The following BTD variants were observed in gnomAD, a reference collection of about 807,000 sequenced individuals.
BTD encodes the protein biocytinase.
BTD carries 13 observed loss-of-function variants against 17.7 expected under a neutral mutation model. That is an observed-to-expected ratio of 0.74 (90% CI 0.48 to 1.17). BTD has a LOEUF of 1.17. Among genes scored for constraint, BTD ranks in the 50% most tolerant of loss-of-function variants. BTD has a pLI of 0.00. For synonymous variants in BTD, 240 were observed against 245.2 expected, an observed-to-expected ratio of 0.98 and a Z score of 0.20; for missense variants, 674 against 650.4, an observed-to-expected ratio of 1.04 and a Z score of -0.39.
chr3:15,670,723 G>T (rs1162289191), intron 3 of BTD, among the ~76,000 whole-genome samples: 2 of 152,160 alleles, frequency 1.3e-5, no homozygotes, highest in Admixed American at 6.5e-5. Context: ...AGTAGAAAAA[G>T]AATAGCCATA....
intron 1 of BTD, among the ~76,000 whole-genome samples, chr3:15,608,874 C>T (rs910871693): frequency 2.0e-5 from 3 of 152,034 alleles, no homozygotes; most frequent in African/African-American, 7.2e-5. Context: ...TAATATGGTA[C>T]TAGTGTTGAA....
intron 1 of BTD, among the ~76,000 whole-genome samples, chr3:15,602,515 A>G (rs937983798): frequency 6.6e-6 from 1 of 152,210 alleles, no homozygotes; most frequent in African/African-American, 2.4e-5. Context: ...ACTGCCTTGG[A>G]GTCATTAGAC....
At chr3:15,630,569 A>G (rs1295315519) in intron 1 of BTD, among the ~76,000 whole-genome samples, 5 of 152,264 alleles carry the variant, frequency 3.3e-5, no homozygotes, top group Non-Finnish European at 7.3e-5. Context: ...TTGATTGCAC[A>G]TTTGGTTTCC....
intron 3 of BTD, among the ~76,000 whole-genome samples, chr3:15,662,852 G>A (rs1254379845): frequency 1.1e-5 from 1 of 90,236 alleles, no homozygotes; most frequent in Non-Finnish European, 2.3e-5. Context: ...CCAGGCTGGA[G>A]GTTTTTTTTT....
chr3:15,683,234 GT>G (rs1325744739), intron 3 of BTD, among the ~76,000 whole-genome samples: 1 of 152,096 alleles, frequency 6.6e-6, no homozygotes, highest in Non-Finnish European at 1.5e-5. Flanking sequence ...CTTCTGAACA[GT>G]TTTATCTCAC....
In BTD at chr3:15,645,106, T is replaced by A. The variant is rs764811197; in HGVS notation, c.1190T>A (p.Val397Asp). ...TGGGGAAAGGAAGGCTATCTCCACG[T>A]CTGTTCCAATGGCCTCTGCTGTTAT... ...PVWGKEGYLHVCSNGLCCYLL... is the reference protein window; with the variant it reads ...PVWGKEGYLHDCSNGLCCYLL... Residue 397 changes from valine (V) to aspartate (D), a missense_variant, in exon 4 of 4, where the codon GTC (valine) becomes GAC (aspartate). Val to Asp is a radical substitution (Grantham distance 152, BLOSUM62 -3). Transcript: ENST00000643237. 4.3e-6 allele frequency: 7 copies of A among 1,613,930 alleles called. No homozygotes were observed. In the East Asian group the frequency reaches 1.6e-4, roughly 36 times the overall value.
intron 4 of BTD, among the ~76,000 whole-genome samples, chr3:15,720,364 C>T (rs2073581892): frequency 6.6e-6 from 1 of 152,072 alleles, no homozygotes; most frequent in Non-Finnish European, 1.5e-5. Flanking sequence ...TACTCTATGT[C>T]TTTTATTGTA....
rs370703841 is a variant in BTD at position 15,679,265 on chromosome 3, T to C, written c.400-30795T>C. The C allele has an allele frequency of 3.1e-6, 5 of 1,596,868 alleles. No individual in the cohort carries two copies. In the Admixed American group the frequency reaches 6.7e-5, roughly 21 times the overall value. On this transcript the variant is annotated intron_variant, in intron 3 of 3. Transcript: ENST00000672141. ...GATTATAGGCATGAGCCACTGTGCC[T>C]GGCTAAAACTATTTAATACATAGTT...
chr3:15,712,733 G>T (rs918000602), exon 4 of BTD, among the ~76,000 whole-genome samples: 1 of 152,136 alleles, frequency 6.6e-6, no homozygotes, highest in African/African-American at 2.4e-5. Context: ...TAAGGAGAAT[G>T]AATATATTGT....
rs1008384216 is a variant in BTD at position 15,645,230 on chromosome 3, T to C, written c.1314T>C (p.Cys438=). Residue 438 remains cysteine, a synonymous_variant, in exon 4 of 4, where the codon TGT becomes TGC. Coordinates refer to ENST00000643237, the MANE Select transcript of BTD (RefSeq NM_001370658.1). ...TVHGTYYIQV[C]ALVRCGGLGF... ...ATGGCACTTACTACATCCAAGTGTG[T>C]GCCCTGGTCAGGTGTGGGGGTCTTG... 1.9e-6 allele frequency: 3 copies of C among 1,614,064 alleles called. No homozygotes were observed. In the East Asian group the frequency reaches 6.7e-5, roughly 36 times the overall value.
At chr3:15,626,506 G>T (rs761196475) in intron 1 of BTD, among the ~76,000 whole-genome samples, 1 of 152,182 alleles carries the variant, frequency 6.6e-6, no homozygotes, top group Admixed American at 6.5e-5. Context: ...TAGGACAGAG[G>T]CCAGGCATGG....
chr3:15,617,246 T>G (rs1021969330), intron 1 of BTD, among the ~76,000 whole-genome samples: 21 of 152,274 alleles, frequency 1.4e-4, no homozygotes, highest in Non-Finnish European at 2.9e-4. Context: ...ATATTTTCTC[T>G]CAGTCTGTAG....
intron 1 of BTD, among the ~76,000 whole-genome samples, chr3:15,634,585 A>T (rs1187231268): frequency 3.3e-5 from 5 of 152,336 alleles, no homozygotes; most frequent in Middle Eastern, 3.4e-3. Context: ...GAAGCTATGA[A>T]GCTGAGTTTA....
chr3:15,674,583 G>A (rs1289102207), intron 3 of BTD, among the ~76,000 whole-genome samples: 2 of 152,226 alleles, frequency 1.3e-5, no homozygotes, highest in Middle Eastern at 6.8e-3. Flanking sequence ...GAGAAGTCTG[G>A]GCTGGAGATA....
intron 3 of BTD, among the ~76,000 whole-genome samples, chr3:15,696,398 G>T (rs999902544): frequency 2.0e-5 from 3 of 152,060 alleles, no homozygotes; most frequent in African/African-American, 7.2e-5. Context: ...TCATTTAAAT[G>T]ACACTGACTA....
intron 3 of BTD, among the ~76,000 whole-genome samples, chr3:15,705,766 C>T (rs970080042): frequency 1.3e-5 from 2 of 152,122 alleles, no homozygotes; most frequent in South Asian, 4.1e-4. Context: ...TTTTGGAAGG[C>T]CAAGGTGGGC....
intron 3 of BTD, among the ~76,000 whole-genome samples, chr3:15,671,144 A>C (rs1295909649): frequency 6.6e-6 from 1 of 152,208 alleles, no homozygotes; most frequent in Admixed American, 6.5e-5. Flanking sequence ...CAGTAGACAA[A>C]CTAAGCAGAT....
intron 3 of BTD, chr3:15,679,508 T>G: frequency 6.2e-7 from 1 of 1,613,792 alleles, no homozygotes; most frequent in East Asian, 2.2e-5. Flanking sequence ...AAGCATTTCC[T>G]TCCGTTTTCT....
chr3:15,687,926 G>A (rs1199026863), intron 3 of BTD, among the ~76,000 whole-genome samples: 1 of 152,118 alleles, frequency 6.6e-6, no homozygotes, highest in Non-Finnish European at 1.5e-5. Context: ...GAAATGACTG[G>A]TAAACCTCCA....
Sources: gnomAD v4.1 joint callset for allele counts (sites outside exome capture counted in the v4.1 genomes callset) on GRCh38, gnomAD v4.1.1 for gene constraint, MANE v1.5 for transcripts, NCBI Gene and HGNC (gene_info 2026-07-23, HGNC 2026-07-21) for gene names.